FAM81A: variants seen among roughly 807,000 people sequenced by gnomAD.
FAM81A encodes the protein protein FAM81A.
In FAM81A, 19 loss-of-function variants were observed where a neutral mutation model predicts 46.7. That is an observed-to-expected ratio of 0.41 (90% CI 0.28 to 0.60). The LOEUF (loss-of-function observed/expected upper bound fraction) is 0.60. Among genes scored for constraint, FAM81A ranks in the 20% least tolerant of loss-of-function variants. The pLI is 0.34. For missense variants in FAM81A, 377 were observed against 453.5 expected, an observed-to-expected ratio of 0.83 and a Z score of 1.53; for synonymous variants, 183 against 152.9, an observed-to-expected ratio of 1.20 and a Z score of -1.45.
intron 3 of FAM81A, among the ~76,000 whole-genome samples, chr15:59,472,839 G>A (rs1432958686): frequency 1.3e-5 from 2 of 152,132 alleles, no homozygotes; most frequent in African/African-American, 2.4e-5. Context: ...TCAGAGGAAC[G>A]TAGAAAGTTT....
At chr15:59,442,625 AAAAAAAAAAAAAAAAG>A (rs1201762988) in intron 1 of FAM81A, among the ~76,000 whole-genome samples, 83 of 150,980 alleles carry the variant, frequency 5.5e-4, no homozygotes, top group Admixed American at 2.7e-3. Flanking sequence ...TCTCAAAAAA[AAAAAAAAAAAAAAAAG>A]AAAAGAAAAG....
chr15:59,452,796 C>CT (rs1188646364), intron 1 of FAM81A, among the ~76,000 whole-genome samples: 2 of 152,228 alleles, frequency 1.3e-5, no homozygotes, highest in Non-Finnish European at 2.9e-5. Flanking sequence ...GGATCTCACT[C>CT]TGTCACCTGA....
At chr15:59,401,306 TG>T (rs2081069062) in intron 1 of FAM81A, 2 of 845,684 alleles carry the variant, frequency 2.4e-6, no homozygotes, top group East Asian at 4.8e-5. Flanking sequence ...ACTGCCGCCT[TG>T]CATCACAAGG....
chr15:59,522,419 G>A lies in FAM81A; in HGVS notation c.*1041G>A, dbSNP rs534573182. 5 of 152,522 alleles carry A rather than the reference G, an allele frequency of 3.3e-5. No individual in the cohort carries two copies. The highest frequency in any genetic ancestry group is 1.2e-4 in the African/African-American group (5 of 41,416). 9.4% of individuals were successfully genotyped at this position (152,522 alleles called of 1,614,324 possible). A position where few individuals can be genotyped will look rare whatever the true frequency, so the allele number is the denominator to read the frequency against. Reference sequence around the variant, plus strand: ...TTTTAAATGTTCTAAAAATTTTATCGCTGTTAAGGTATTAATCATTCAGTA... The same window carrying A: ...TTTTAAATGTTCTAAAAATTTTATCACTGTTAAGGTATTAATCATTCAGTA... On this transcript the variant is annotated 3_prime_UTR_variant, in exon 9 of 9. Coordinates refer to ENST00000288228, the MANE Select transcript of FAM81A (RefSeq NM_152450.3).
At chr15:59,515,560 A>G (rs1312244779) in intron 7 of FAM81A, among the ~76,000 whole-genome samples, 2 of 152,190 alleles carry the variant, frequency 1.3e-5, no homozygotes, top group Non-Finnish European at 2.9e-5. Context: ...CTCCAAGCTC[A>G]CTGGCAGACA....
At chr15:59,508,624 A>T (rs1200930664) in intron 5 of FAM81A, among the ~76,000 whole-genome samples, 1 of 152,200 alleles carries the variant, frequency 6.6e-6, no homozygotes, top group Admixed American at 6.5e-5. Flanking sequence ...TCAGAGAATT[A>T]TGTGTAAAAT....
At position 59,516,712 on chromosome 15, in the gene FAM81A, A is replaced by T; in HGVS notation, c.854A>T (p.Glu285Val). Residue 285 changes from glutamate to valine, a missense_variant, in exon 8 of 9, where the codon GAG becomes GTG. Transcript: ENST00000288228. ...QMSARLDKIE[E>V]GQKKTFDGQR... The stretch of plus-strand genomic sequence containing the variant: ...TCAGCCAGGCTTGACAAAATAGAAG[A>T]GGGTCAAAAGAAGACTTTTGATGGT... 1 of 1,613,766 alleles carries T rather than the reference A, an allele frequency of 6.2e-7. No homozygotes were observed. The highest frequency in any genetic ancestry group is 8.5e-7 in the Non-Finnish European group (1 of 1,179,804).
upstream of FAM81A, among the ~76,000 whole-genome samples, chr15:59,436,928 A>G (rs560920764): frequency 7.2e-5 from 11 of 152,326 alleles, no homozygotes; most frequent in Admixed American, 6.5e-4. Flanking sequence ...TGGGATCAGA[A>G]AGTGATGTGT....
Position 59,501,935 on chromosome 15 carries a change from C to G in FAM81A, c.414-5278C>G, listed in dbSNP as rs139555533. 3.7e-4 allele frequency among the ~76,000 whole-genome samples: 56 copies of G among 152,168 alleles called. No homozygotes were observed. The East Asian group carries it at 0.011, about 29-fold the overall frequency. ...TGTCTTTTATGAGTTTTTTTTAAGA[C>G]AGGAATGATGTCTTTGATTTAACGC... On this transcript the variant is annotated intron_variant, in intron 4 of 8. Coordinates refer to ENST00000288228, the MANE Select transcript of FAM81A (RefSeq NM_152450.3).
At chr15:59,487,234 A>T (rs1036513858) in intron 3 of FAM81A, among the ~76,000 whole-genome samples, 3 of 146,278 alleles carry the variant, frequency 2.1e-5, no homozygotes, top group East Asian at 3.9e-4. Context: ...TTATATATAT[A>T]TTATATATAT....
At chr15:59,454,079 C>A (rs1345459841) in intron 1 of FAM81A, among the ~76,000 whole-genome samples, 1 of 152,216 alleles carries the variant, frequency 6.6e-6, no homozygotes, top group Non-Finnish European at 1.5e-5. Context: ...AGTTAGAGAA[C>A]AACATCCAGC....
At chr15:59,454,463 TATTC>T (rs2081457994) in intron 1 of FAM81A, among the ~76,000 whole-genome samples, 1 of 152,218 alleles carries the variant, frequency 6.6e-6, no homozygotes, top group Non-Finnish European at 1.5e-5. Context: ...AATTTTAAAA[TATTC>T]ATCTCTATGT....
intron 2 of FAM81A, among the ~76,000 whole-genome samples, chr15:59,421,060 G>C (rs1192943755): frequency 9.2e-5 from 14 of 152,258 alleles, no homozygotes; most frequent in African/African-American, 2.9e-4. Context: ...GTTCTGGTGG[G>C]GTCACGTTCT....
chr15:59,449,370 C>T (rs1180975134), intron 1 of FAM81A, among the ~76,000 whole-genome samples: 2 of 152,138 alleles, frequency 1.3e-5, no homozygotes, highest in African/African-American at 4.8e-5. Flanking sequence ...TTTACCTATT[C>T]CTCTCTATTT....
intron 2 of FAM81A, among the ~76,000 whole-genome samples, chr15:59,421,907 C>G (rs2081175446): frequency 7.1e-6 from 1 of 140,860 alleles, no homozygotes; most frequent in African/African-American, 2.5e-5. Flanking sequence ...ATCTATCTAT[C>G]TATCTATCTA....
At chr15:59,464,275 A>G (rs1325693841) in intron 3 of FAM81A, among the ~76,000 whole-genome samples, 1 of 152,228 alleles carries the variant, frequency 6.6e-6, no homozygotes, top group Non-Finnish European at 1.5e-5. Context: ...GCTGCAATAA[A>G]CATGGGGGTG....
chr15:59,429,702 T>A (rs2081211188), intron 2 of FAM81A, among the ~76,000 whole-genome samples: 1 of 152,342 alleles, frequency 6.6e-6, no homozygotes, highest in South Asian at 2.1e-4. Context: ...TTAAAAAGAA[T>A]GTTTTGACTT....
intron 1 of FAM81A, among the ~76,000 whole-genome samples, chr15:59,440,350 G>A (rs1042947242): frequency 6.6e-6 from 1 of 152,054 alleles, no homozygotes; most frequent in Non-Finnish European, 1.5e-5. Flanking sequence ...AGCAGGAGAC[G>A]ATGAAGAGAA....
chr15:59,443,404 A>T (rs927752749), intron 1 of FAM81A, among the ~76,000 whole-genome samples: 1 of 152,138 alleles, frequency 6.6e-6, no homozygotes, highest in Non-Finnish European at 1.5e-5. Flanking sequence ...TAAAAAAAAG[A>T]TGTTTTCTGG....
Sources: gnomAD v4.1 joint callset for allele counts (sites outside exome capture counted in the v4.1 genomes callset) on GRCh38, gnomAD v4.1.1 for gene constraint, MANE v1.5 for transcripts, NCBI Gene and HGNC (gene_info 2026-07-23, HGNC 2026-07-21) for gene names.